The following ATP13A4 variants were observed in gnomAD, a reference collection of about 807,000 sequenced individuals.
The protein encoded by ATP13A4 is probable cation-transporting ATPase 13A4.
ATP13A4 carries 114 observed loss-of-function variants against 142.5 expected under a neutral mutation model. The ratio of observed to expected loss-of-function variants is 0.80; its 90% CI spans 0.69 to 0.93. The LOEUF (loss-of-function observed/expected upper bound fraction) is 0.93, where lower values mean the gene tolerates loss of function less well. ATP13A4 is among the 40% of genes least tolerant of loss of function. The pLI is 0.00. For missense variants in ATP13A4, 1,392 were observed against 1,454.0 expected, an observed-to-expected ratio of 0.96 and a Z score of 0.69; for synonymous variants, 488 against 514.8, an observed-to-expected ratio of 0.95 and a Z score of 0.70.
chr3:193,442,253 A>C, intron 19 of ATP13A4, 140 bp downstream of exon 19: 1 of 876,060 alleles, frequency 1.1e-6, no homozygotes. Flanking sequence ...AAGTATGGAA[A>C]AACCAATGTA....
chr3:193,551,362 G>A (rs928599162), intron 1 of ATP13A4, among the ~76,000 whole-genome samples: 14 of 151,874 alleles, frequency 9.2e-5, no homozygotes, highest in African/African-American at 3.4e-4. Context: ...GCAGTGAGCC[G>A]AGATCACGCC....
At chr3:193,572,812 CAT>C (rs1393311894) in intron 2 of ATP13A4, among the ~76,000 whole-genome samples, 1 of 151,928 alleles carries the variant, frequency 6.6e-6, no homozygotes, top group Non-Finnish European at 1.5e-5. Context: ...GGCAGTTTGA[CAT>C]GTGAATAGGA....
intron 13 of ATP13A4, among the ~76,000 whole-genome samples, chr3:193,459,641 G>T (rs1255163529): frequency 5.9e-5 from 9 of 152,196 alleles, no homozygotes; most frequent in East Asian, 1.9e-4. Flanking sequence ...GTTTCACCAT[G>T]TTGGCCAGGC....
intron 1 of ATP13A4, among the ~76,000 whole-genome samples, chr3:193,525,316 A>G (rs1323803081): frequency 6.6e-6 from 1 of 152,212 alleles, no homozygotes; most frequent in Non-Finnish European, 1.5e-5. Flanking sequence ...TTCTCAAACA[A>G]GGACATACAG....
chr3:193,498,443 A>G lies in ATP13A4; in HGVS notation c.381+4050T>C, dbSNP rs551504255. Among the ~76,000 whole-genome samples, 5 of 152,278 alleles carry G rather than the reference A, an allele frequency of 3.3e-5. No homozygotes were observed. The East Asian group carries it at 9.7e-4, about 29-fold the overall frequency. On this transcript the variant is annotated intron_variant, in intron 3 of 29. Coordinates refer to ENST00000342695, the MANE Select transcript of ATP13A4 (RefSeq NM_032279.4). Reference sequence around the variant, plus strand: ...TGTTCTTGCTTCTGATTCTTTAAGCAAGTTCATATGTGAATGTGAATTTCC... The same window carrying G: ...TGTTCTTGCTTCTGATTCTTTAAGCGAGTTCATATGTGAATGTGAATTTCC...
chr3:193,504,009 G>A (rs560460272), intron 2 of ATP13A4, among the ~76,000 whole-genome samples: 5 of 138,736 alleles, frequency 3.6e-5, no homozygotes, highest in African/African-American at 8.4e-5. Context: ...GTGTGTGTGT[G>A]TGTGTGTGTG....
At chr3:193,584,195 A>T (rs1724624825) in intron 1 of ATP13A4, among the ~76,000 whole-genome samples, 1 of 152,164 alleles carries the variant, frequency 6.6e-6, no homozygotes, top group Admixed American at 6.5e-5. Flanking sequence ...TCGATTATCT[A>T]GGTAGGCTGA....
At chr3:193,537,333 G>C (rs1434898699) in intron 1 of ATP13A4, among the ~76,000 whole-genome samples, 5 of 151,924 alleles carry the variant, frequency 3.3e-5, no homozygotes, top group African/African-American at 1.2e-4. Context: ...GCAAAAGCAA[G>C]AAAAAATAGA....
intron 8 of ATP13A4, among the ~76,000 whole-genome samples, chr3:193,476,217 C>A (rs182185844): frequency 2.0e-5 from 3 of 152,190 alleles, no homozygotes; most frequent in Admixed American, 1.3e-4. Flanking sequence ...GTACTTGCAA[C>A]ATTCTTATTG....
intron 2 of ATP13A4, among the ~76,000 whole-genome samples, chr3:193,574,162 CA>C (rs1271532439): frequency 6.6e-6 from 1 of 152,086 alleles, no homozygotes; most frequent in Non-Finnish European, 1.5e-5. Flanking sequence ...ATTTCAGAAA[CA>C]AGTTTTATAT....
chr3:193,438,911 G>A, intron 22 of ATP13A4, 112 bp downstream of exon 22: 1 of 1,157,990 alleles, frequency 8.6e-7, no homozygotes, highest in Non-Finnish European at 1.3e-6. Flanking sequence ...CCTCTAAAGG[G>A]CTCGAGTATA....
At position 193,405,431 on chromosome 3, in the gene ATP13A4, T is replaced by A. The variant is rs557726238; in HGVS notation, c.3378+1882A>T. Among the ~76,000 whole-genome samples the A allele has an allele frequency of 2.8e-4, 43 of 152,302 alleles. No individual in the cohort carries two copies. In the South Asian group the frequency reaches 8.7e-3, roughly 31 times the overall value. On this transcript the variant is annotated intron_variant, in intron 29 of 29. Transcript: ENST00000342695. ...TAAAGCATAAAAGGAAGTCTGCTGG[T>A]GAGCTTCAGGAAAAGTTTGTTTCTC...
At chr3:193,558,934 G>A (rs978993443), upstream of ATP13A4, among the ~76,000 whole-genome samples, 4 of 152,108 alleles carry the variant, frequency 2.6e-5, no homozygotes, top group East Asian at 5.8e-4. Context: ...CTGGCATCTC[G>A]GTTTGCTTTT....
chr3:193,451,281 A>G (rs1355169131), intron 17 of ATP13A4, among the ~76,000 whole-genome samples: 1 of 152,206 alleles, frequency 6.6e-6, no homozygotes, highest in Non-Finnish European at 1.5e-5. Context: ...GTGCCAGATT[A>G]GGCCAAGAAA....
chr3:193,440,540 C>A lies in ATP13A4; in HGVS notation c.2519+18G>T, dbSNP rs753992387. The A allele has an allele frequency of 1.2e-6, 2 of 1,613,776 alleles. No homozygotes were observed. Among genetic ancestry groups the A allele is most frequent in the Admixed American group, 3.3e-5 (2 of 60,022 alleles). On this transcript the variant is annotated intron_variant, in intron 21 of 29. Transcript: ENST00000342695. ...GCCTCCATGCAGTTCATGCCACCTG[C>A]ACTGGCAAAGAACCTACTCCAGTTT...
intron 25 of ATP13A4, among the ~76,000 whole-genome samples, chr3:193,431,709 C>T (rs1444688336): frequency 6.7e-6 from 1 of 150,110 alleles, no homozygotes; most frequent in Non-Finnish European, 1.5e-5. Flanking sequence ...TATATACACA[C>T]ATATATATGT....
intron 1 of ATP13A4, among the ~76,000 whole-genome samples, chr3:193,537,737 C>T (rs994760812): frequency 9.9e-5 from 15 of 152,120 alleles, no homozygotes; most frequent in African/African-American, 3.6e-4. Context: ...ATGGTTAAAT[C>T]AACCACAGCA....
At position 193,474,720 on chromosome 3, in the gene ATP13A4, G is replaced by C. The variant is rs9823250; in HGVS notation, c.809-3727C>G. 2.1e-5 allele frequency among the ~76,000 whole-genome samples: 3 copies of C among 145,350 alleles called. No individual in the cohort carries two copies. The East Asian group carries it at 6.1e-4, about 30-fold the overall frequency. ...AAAAAAGGAAGGAAGGAAAGAGAGA[G>C]AGAAAGAAAGAGAAAGAAAGAAAGA... On this transcript the variant is annotated intron_variant, in intron 8 of 29. Transcript: ENST00000342695.
At chr3:193,419,851 T>G (rs1474719485) in intron 25 of ATP13A4, among the ~76,000 whole-genome samples, 2 of 150,062 alleles carry the variant, frequency 1.3e-5, no homozygotes, top group Non-Finnish European at 2.9e-5. Flanking sequence ...CCCCACCCAC[T>G]GCCCCTCCAG....
Sources: allele counts gnomAD v4.1 joint callset (sites outside exome capture counted in the v4.1 genomes callset), GRCh38; gene constraint gnomAD v4.1.1; transcripts MANE v1.5; gene names NCBI Gene and HGNC (gene_info 2026-07-23, HGNC 2026-07-21).